ZNF536: variants seen among roughly 807,000 people sequenced by gnomAD.
ZNF536 encodes the protein zinc finger protein 536.
A neutral mutation model predicts 84.5 loss-of-function variants in ZNF536; 13 were observed. That is an observed-to-expected ratio of 0.15 (90% CI 0.10 to 0.24). The LOEUF (loss-of-function observed/expected upper bound fraction) is 0.24, where lower values mean the gene tolerates loss of function less well. Ranked by LOEUF, ZNF536 falls within the 10% of genes least tolerant of loss-of-function variation. The pLI is 1.00. For missense variants in ZNF536, 1,536 were observed against 1,747.5 expected (o/e 0.88, Z 2.16); for synonymous variants, 811 against 742.5 (o/e 1.09, Z -1.50).
chr19:30,248,953 T>C (rs1330157032), intron 1 of ZNF536, among the ~76,000 whole-genome samples: 1 of 152,224 alleles, frequency 6.6e-6, no homozygotes, highest in Non-Finnish European at 1.5e-5. Flanking sequence ...GAACTCCACT[T>C]GCTGCCAAAC....
At chr19:30,263,177 T>G (rs916567797) in intron 1 of ZNF536, among the ~76,000 whole-genome samples, 1 of 152,174 alleles carries the variant, frequency 6.6e-6, no homozygotes, top group Non-Finnish European at 1.5e-5. Context: ...GCACAGCGCA[T>G]AGCAAACAGT....
chr19:30,234,389 G>A lies in ZNF536; in HGVS notation c.-190+5716G>A, dbSNP rs1260365914. On this transcript the variant is annotated intron_variant, in intron 1 of 5. Transcript: ENST00000585628. ...CTATTTGTCTATTTGGGACCACTAG[G>A]CTCCTTCCTTTTTTTTTTTTTTTTT... is the stretch of plus-strand genomic sequence containing the variant. Among the ~76,000 whole-genome samples, 7 of 142,002 alleles carry A rather than the reference G, an allele frequency of 4.9e-5. No individual in the cohort carries two copies. The East Asian group carries it at 1.5e-3, about 30-fold the overall frequency. The allele number at this position is 142,002 out of a possible 152,430, so 93.2% of individuals were successfully genotyped here. A position where few individuals can be genotyped will look rare whatever the true frequency, so the allele number is the denominator to read the frequency against.
intron 3 of ZNF536, among the ~76,000 whole-genome samples, chr19:30,367,007 G>T (rs1247122595): frequency 6.6e-6 from 1 of 152,238 alleles, no homozygotes; most frequent in East Asian, 1.9e-4. Flanking sequence ...AGGCCCCAGG[G>T]CAGTGACAGC....
At chr19:30,663,205 G>A (rs747896884) in intron 1 of ZNF536, among the ~76,000 whole-genome samples, 17 of 152,042 alleles carry the variant, frequency 1.1e-4, no homozygotes, top group Non-Finnish European at 1.5e-5. Flanking sequence ...ACATGGTAGT[G>A]TCATTTAATA....
At chr19:30,698,838 G>A (rs2051773486) in intron 1 of ZNF536, among the ~76,000 whole-genome samples, 1 of 152,200 alleles carries the variant, frequency 6.6e-6, no homozygotes, top group Non-Finnish European at 1.5e-5. Flanking sequence ...CCACTCTTAA[G>A]GAGTAGGGAG....
intron 1 of ZNF536, among the ~76,000 whole-genome samples, chr19:30,263,302 C>T (rs1465856848): frequency 7.2e-5 from 11 of 152,160 alleles, no homozygotes; most frequent in South Asian, 4.1e-4. Flanking sequence ...TTTACTGGGT[C>T]CCTGCCCTGT....
At chr19:30,593,047 C>T (rs1368293260) in intron 1 of ZNF536, among the ~76,000 whole-genome samples, 4 of 152,198 alleles carry the variant, frequency 2.6e-5, no homozygotes, top group South Asian at 2.1e-4. Context: ...AAGATCCTTT[C>T]GTGCAAACGC....
intron 2 of ZNF536, among the ~76,000 whole-genome samples, chr19:30,320,901 A>G (rs1190111598): frequency 6.6e-6 from 1 of 152,120 alleles, no homozygotes; most frequent in Non-Finnish European, 1.5e-5. Flanking sequence ...GCATATTTCA[A>G]TCCATTAACC....
intron 3 of ZNF536, among the ~76,000 whole-genome samples, chr19:30,354,691 T>C (rs1254986058): frequency 6.6e-6 from 1 of 152,186 alleles, no homozygotes; most frequent in African/African-American, 2.4e-5. Context: ...TCACATGAAC[T>C]GGAAGGAGGA....
intron 2 of ZNF536, among the ~76,000 whole-genome samples, chr19:30,297,793 G>T (rs1434095686): frequency 6.6e-6 from 1 of 152,094 alleles, no homozygotes; most frequent in African/African-American, 2.4e-5. Context: ...GTATAGCATG[G>T]GAGCTTGGGC....
intron 2 of ZNF536, among the ~76,000 whole-genome samples, chr19:30,456,056 A>G (rs2052824909): frequency 6.6e-6 from 1 of 152,218 alleles, no homozygotes; most frequent in African/African-American, 2.4e-5. Flanking sequence ...TTCATAAATA[A>G]GAGTGTGATG....
chr19:30,255,867 T>C (rs2024890332), intron 1 of ZNF536, among the ~76,000 whole-genome samples: 1 of 152,172 alleles, frequency 6.6e-6, no homozygotes, highest in Non-Finnish European at 1.5e-5. Context: ...TGCTAGTGAC[T>C]CAGGAAAGAG....
intron 2 of ZNF536, among the ~76,000 whole-genome samples, chr19:30,477,331 C>T (rs1458019096): frequency 6.6e-6 from 1 of 152,132 alleles, no homozygotes; most frequent in Non-Finnish European, 1.5e-5. Context: ...TAGCCCAGGG[C>T]CTAGAGTAGC....
At chr19:30,481,383 C>A (rs1207035363) in intron 2 of ZNF536, among the ~76,000 whole-genome samples, 1 of 152,300 alleles carries the variant, frequency 6.6e-6, no homozygotes, top group Non-Finnish European at 1.5e-5. Context: ...TCACTGGGAT[C>A]TCTCTGGTTG....
intron 1 of ZNF536, among the ~76,000 whole-genome samples, chr19:30,275,183 G>T (rs2026061708): frequency 6.6e-6 from 1 of 152,132 alleles, no homozygotes. Flanking sequence ...TGGGGGAGCT[G>T]GAGGACTCCA....
At chr19:30,505,798 TG>T (rs1396861849) in intron 2 of ZNF536, among the ~76,000 whole-genome samples, 1 of 151,970 alleles carries the variant, frequency 6.6e-6, no homozygotes, top group Non-Finnish European at 1.5e-5. Flanking sequence ...CCCGACTAGC[TG>T]GGATTACAGA....
At chr19:30,566,816 A>C (rs2046367009) in intron 1 of ZNF536, among the ~76,000 whole-genome samples, 1 of 140,834 alleles carries the variant, frequency 7.1e-6, no homozygotes, top group Non-Finnish European at 1.5e-5. Context: ...AGGTCCCCAC[A>C]TGTGGCCTCT....
intron 1 of ZNF536, among the ~76,000 whole-genome samples, chr19:30,426,226 A>G (rs1316427473): frequency 1.3e-5 from 2 of 152,252 alleles, no homozygotes; most frequent in East Asian, 1.9e-4. Flanking sequence ...TTTAACGGCA[A>G]TAAAATATCT....
chr19:30,456,643 C>G (rs949187344), intron 2 of ZNF536, among the ~76,000 whole-genome samples: 1 of 152,202 alleles, frequency 6.6e-6, no homozygotes, highest in Non-Finnish European at 1.5e-5. Context: ...TAAATACACT[C>G]ATTTGTTTGT....
Sources: gnomAD v4.1 joint callset for allele counts (sites outside exome capture counted in the v4.1 genomes callset) on GRCh38, gnomAD v4.1.1 for gene constraint, MANE v1.5 for transcripts, NCBI Gene and HGNC (gene_info 2026-07-23, HGNC 2026-07-21) for gene names.